WWTR1: variants seen among roughly 807,000 people sequenced by gnomAD.
The protein encoded by WWTR1 is WW domain containing transcription regulator 1.
WWTR1 carries 13 observed loss-of-function variants against 40.1 expected under a neutral mutation model. The observed-to-expected ratio is 0.32, with a 90% CI of 0.21 to 0.52. WWTR1 has a LOEUF of 0.52. Ranked by LOEUF, WWTR1 falls within the 20% of genes least tolerant of loss-of-function variation. The pLI is 0.97. For missense variants in WWTR1, 436 were observed against 523.1 expected (o/e 0.83, Z 1.63); for synonymous variants, 230 against 210.1 (o/e 1.09, Z -0.82).
chr3:149,649,620 A>T (rs2108145685), intron 2 of WWTR1, among the ~76,000 whole-genome samples: 1 of 152,316 alleles, frequency 6.6e-6, no homozygotes, highest in East Asian at 1.9e-4. Flanking sequence ...ATAAGCTGAA[A>T]GAAATCCATA....
At chr3:149,678,204 C>G (rs77284713) in intron 1 of WWTR1, among the ~76,000 whole-genome samples, 6,538 of 152,234 alleles carry the variant, frequency 0.043, 287 homozygotes, top group East Asian at 0.13. Context: ...TCAAAATTAT[C>G]TTGAAGCTCT....
At chr3:149,552,689 G>A (rs931554424) in intron 3 of WWTR1, among the ~76,000 whole-genome samples, 1 of 152,106 alleles carries the variant, frequency 6.6e-6, no homozygotes, top group Non-Finnish European at 1.5e-5. Context: ...TATAGGTGAG[G>A]GCCATGTATT....
intron 2 of WWTR1, among the ~76,000 whole-genome samples, chr3:149,647,634 T>C (rs1712611441): frequency 6.6e-6 from 1 of 152,226 alleles, no homozygotes; most frequent in African/African-American, 2.4e-5. Flanking sequence ...ACTTGGGAAG[T>C]AAAGACCACC....
intron 2 of WWTR1, among the ~76,000 whole-genome samples, chr3:149,645,435 A>C (rs984512995): frequency 5.3e-5 from 8 of 151,922 alleles, no homozygotes; most frequent in African/African-American, 1.7e-4. Context: ...GCCTCCTAAA[A>C]TGCTGGGATT....
At chr3:149,570,226 T>C (rs1737551337) in intron 3 of WWTR1, among the ~76,000 whole-genome samples, 1 of 152,182 alleles carries the variant, frequency 6.6e-6, no homozygotes, top group African/African-American at 2.4e-5. Flanking sequence ...ACAAATATTG[T>C]TGGAAAAACC....
chr3:149,549,364 T>C (rs1436486391), intron 3 of WWTR1, among the ~76,000 whole-genome samples: 2 of 152,218 alleles, frequency 1.3e-5, no homozygotes, highest in Admixed American at 1.3e-4. Context: ...ATATCTGTAG[T>C]CTTCCTCCAA....
chr3:149,628,710 A>C (rs1202336836), intron 2 of WWTR1, among the ~76,000 whole-genome samples: 1 of 151,990 alleles, frequency 6.6e-6, no homozygotes, highest in East Asian at 1.9e-4. Context: ...CAAGTCTCTC[A>C]AGTCTCACAA....
chr3:149,690,124 C>T (rs1188200957), intron 1 of WWTR1, among the ~76,000 whole-genome samples: 1 of 151,908 alleles, frequency 6.6e-6, no homozygotes, highest in Non-Finnish European at 1.5e-5. Context: ...AAAAAACCCA[C>T]AACAGATATG....
chr3:149,562,974 T>C (rs987882821), intron 3 of WWTR1, among the ~76,000 whole-genome samples: 4 of 152,056 alleles, frequency 2.6e-5, no homozygotes, highest in Non-Finnish European at 4.4e-5. Flanking sequence ...TCAGCACTTA[T>C]CAATTTGGAA....
At chr3:149,667,430 C>T (rs1295712035) in intron 2 of WWTR1, among the ~76,000 whole-genome samples, 1 of 151,990 alleles carries the variant, frequency 6.6e-6, no homozygotes, top group Admixed American at 6.6e-5. Context: ...CACCTGTAGT[C>T]CCAGCTACTT....
At chr3:149,708,256 G>T (rs1374741977), upstream of WWTR1, among the ~76,000 whole-genome samples, 1 of 151,900 alleles carries the variant, frequency 6.6e-6, no homozygotes, top group East Asian at 1.9e-4. Flanking sequence ...TTTTCTTGTT[G>T]GTTTTTGTTT....
Position 149,526,011 on chromosome 3 carries a change from A to G in WWTR1, c.1018+2T>C. The G allele has an allele frequency of 6.3e-7, 1 of 1,585,914 alleles. No homozygotes were observed. The highest frequency in any genetic ancestry group is 8.6e-7 in the Non-Finnish European group (1 of 1,165,452). ...GTAAGTGCTTGCAGGCTTTGCTCCTACCTGTATCCATCTCATCCACATTGC... is the reference window on the plus strand; with the variant it reads ...GTAAGTGCTTGCAGGCTTTGCTCCTGCCTGTATCCATCTCATCCACATTGC... On this transcript the variant is annotated splice_donor_variant, in intron 6 of 6. Coordinates refer to ENST00000360632, the MANE Select transcript of WWTR1 (RefSeq NM_015472.6). LOFTEE classifies it high-confidence loss of function.
At chr3:149,543,556 T>C (rs141637286) in intron 3 of WWTR1, among the ~76,000 whole-genome samples, 1 of 48,170 alleles carries the variant, frequency 2.1e-5, no homozygotes, top group East Asian at 9.4e-4. Context: ...CACTCCAGCC[T>C]GGTGACAAAG....
At chr3:149,617,437 C>G (rs1218424738) in intron 2 of WWTR1, among the ~76,000 whole-genome samples, 1 of 152,158 alleles carries the variant, frequency 6.6e-6, no homozygotes, top group Non-Finnish European at 1.5e-5. Context: ...TATGGCTTTC[C>G]ACGGATTAGC....
At chr3:149,552,620 A>C (rs1453497237) in intron 3 of WWTR1, among the ~76,000 whole-genome samples, 3 of 152,054 alleles carry the variant, frequency 2.0e-5, no homozygotes, top group African/African-American at 7.3e-5. Flanking sequence ...GCTTAGCCCC[A>C]TTTCATTCTG....
chr3:149,680,354 G>A (rs573563418), intron 1 of WWTR1, among the ~76,000 whole-genome samples: 1 of 152,262 alleles, frequency 6.6e-6, no homozygotes, highest in East Asian at 1.9e-4. Flanking sequence ...GACCAGCCTG[G>A]CCAACATGGC....
chr3:149,637,333 C>G (rs1420474982), intron 2 of WWTR1, among the ~76,000 whole-genome samples: 1 of 151,642 alleles, frequency 6.6e-6, no homozygotes, highest in Non-Finnish European at 1.5e-5. Flanking sequence ...TGAAGCAATT[C>G]TCCTGCCTCA....
At chr3:149,522,901 A>C (rs970106272) in intron 6 of WWTR1, among the ~76,000 whole-genome samples, 1 of 151,494 alleles carries the variant, frequency 6.6e-6, no homozygotes, top group Admixed American at 6.6e-5. Context: ...AACAAACAAA[A>C]AAACCCCAAA....
chr3:149,604,565 T>C (rs1029222770), intron 2 of WWTR1, among the ~76,000 whole-genome samples: 3 of 152,210 alleles, frequency 2.0e-5, no homozygotes, highest in Admixed American at 6.5e-5. Flanking sequence ...GTGCTCCTTG[T>C]GTCACAGTTG....
Sources: allele counts gnomAD v4.1 joint callset (sites outside exome capture counted in the v4.1 genomes callset), GRCh38; gene constraint gnomAD v4.1.1; transcripts MANE v1.5; gene names NCBI Gene and HGNC (gene_info 2026-07-23, HGNC 2026-07-21).